The following PBX1 variants were observed in gnomAD, a reference collection of about 807,000 sequenced individuals.
PBX1 encodes the protein PBX homeobox 1, also known as pre-B-cell leukemia transcription factor 1.
A neutral mutation model predicts 53.4 loss-of-function variants in PBX1; 6 were observed. The observed-to-expected ratio is 0.11, with a 90% confidence interval of 0.06 to 0.22. The LOEUF (loss-of-function observed/expected upper bound fraction) is 0.22, where lower values mean the gene tolerates loss of function less well. PBX1 is among the 10% of genes least tolerant of loss of function. The pLI is 1.00. For synonymous variants in PBX1, 204 were observed against 212.3 expected (o/e 0.96, Z 0.34); for missense variants, 251 against 551.4 (o/e 0.46, Z 5.46).
At chr1:164,778,900 A>G (rs1667798658) in intron 2 of PBX1, among the ~76,000 whole-genome samples, 1 of 152,122 alleles carries the variant, frequency 6.6e-6, no homozygotes, top group Admixed American at 6.5e-5. Context: ...GGTAGGGAGA[A>G]CACCCTGAGT....
intron 2 of PBX1, among the ~76,000 whole-genome samples, chr1:164,883,926 A>T (rs1243988149): frequency 6.6e-6 from 1 of 152,204 alleles, no homozygotes; most frequent in Admixed American, 6.5e-5. Context: ...CTGAACTGTC[A>T]TTGACCTATG....
intron 8 of PBX1, among the ~76,000 whole-genome samples, chr1:164,827,342 G>A (rs1440964074): frequency 1.3e-5 from 2 of 152,100 alleles, no homozygotes; most frequent in African/African-American, 4.8e-5. Flanking sequence ...AATTTCAAAG[G>A]GATGAAAACA....
chr1:164,683,627 A>G (rs1452426653), intron 2 of PBX1: 1 of 152,172 alleles, frequency 6.6e-6, no homozygotes, highest in African/African-American at 2.4e-5. Flanking sequence ...CAAAACACAT[A>G]CACACTCTCA....
intron 2 of PBX1, among the ~76,000 whole-genome samples, chr1:164,594,461 T>C (rs941835318): frequency 3.2e-4 from 49 of 152,056 alleles, no homozygotes; most frequent in African/African-American, 1.2e-3. Context: ...TTTTGTATTT[T>C]TAGTGGAGAC....
At chr1:164,595,306 G>A (rs1655679407) in intron 2 of PBX1, among the ~76,000 whole-genome samples, 1 of 152,174 alleles carries the variant, frequency 6.6e-6, no homozygotes, top group Admixed American at 6.6e-5. Flanking sequence ...TGGAAGCCGT[G>A]ATCAGAGCCC....
At chr1:164,817,856 G>A (rs1004817141) in intron 6 of PBX1, 3 of 152,116 alleles carry the variant, frequency 2.0e-5, no homozygotes, top group Non-Finnish European at 4.4e-5. Context: ...TAGTCCTTAT[G>A]TTTAGGCTAG....
rs959421878 is a variant in PBX1, at chr1:164,799,581, C to T, written c.511-118C>T. ...GAAAGGGACGTCTACCACAAACTAT[C>T]CTAGTTTTCTTTATTTGCACAAGTC... On this transcript the variant is annotated intron_variant, in intron 3 of 8. Transcript: ENST00000420696. 4 of 820,402 alleles carry T rather than the reference C, an allele frequency of 4.9e-6. No individual in the cohort carries two copies. In the South Asian group the frequency reaches 8.3e-5, roughly 17 times the overall value. The allele number at this position is 820,402 out of a possible 1,614,324, so 50.8% of individuals were successfully genotyped here. A position where few individuals can be genotyped will look rare whatever the true frequency, so the allele number is the denominator to read the frequency against.
chr1:164,813,256 C>T (rs1669709526), intron 6 of PBX1: 1 of 152,178 alleles, frequency 6.6e-6, no homozygotes, highest in Admixed American at 6.5e-5. Context: ...CTGGGCTATA[C>T]CCAGCACTTC....
intron 2 of PBX1, among the ~76,000 whole-genome samples, chr1:164,609,866 G>C (rs1656792849): frequency 6.6e-6 from 1 of 152,102 alleles, no homozygotes; most frequent in South Asian, 2.1e-4. Flanking sequence ...TGTTGGGGGG[G>C]ATATGGTAAA....
At chr1:164,865,309 G>T (rs1403534760) in intron 2 of PBX1, among the ~76,000 whole-genome samples, 2 of 152,184 alleles carry the variant, frequency 1.3e-5, no homozygotes, top group East Asian at 1.9e-4. Context: ...ACATCTCAAG[G>T]TTTGCTTCTA....
rs191914416 is a variant in PBX1, at chr1:164,844,670, G to A, written c.1201-1914G>A. Among the ~76,000 whole-genome samples, 170 of 152,122 alleles carry A rather than the reference G, an allele frequency of 1.1e-3. 1 individual carries two copies. Among genetic ancestry groups the A allele is most frequent in the African/African-American group, 3.8e-3 (158 of 41,496 alleles). On this transcript the variant is annotated intron_variant, in intron 8 of 8. Coordinates refer to ENST00000420696, the MANE Select transcript of PBX1 (RefSeq NM_002585.4). ...AGGATCTTCTTTGGGAAAAATAAAC[G>A]TGGCCGCCATTCTTAGTCAGCCTAA...
intron 2 of PBX1, among the ~76,000 whole-genome samples, chr1:164,619,586 C>T (rs952219347): frequency 2.0e-5 from 3 of 152,082 alleles, no homozygotes; most frequent in African/African-American, 7.2e-5. Flanking sequence ...TAAGTACTCG[C>T]CTTGACCACA....
At chr1:164,874,680 G>A (rs1458631381) in intron 2 of PBX1, among the ~76,000 whole-genome samples, 2 of 152,114 alleles carry the variant, frequency 1.3e-5, no homozygotes, top group African/African-American at 4.8e-5. Context: ...TTTTGGTAGA[G>A]ACGAGTTTTC....
Position 164,849,668 on chromosome 1 carries a change from A to C in PBX1, c.*2992A>C. The C allele has an allele frequency of 2.3e-6, 1 of 427,900 alleles. No homozygotes were observed. The highest frequency in any genetic ancestry group is 4.1e-6 in the Non-Finnish European group (1 of 241,496). 26.5% of individuals were successfully genotyped at this position (427,900 alleles called of 1,614,324 possible). A position where few individuals can be genotyped will look rare whatever the true frequency, so the allele number is the denominator to read the frequency against. On this transcript the variant is annotated 3_prime_UTR_variant, in exon 9 of 9. Transcript: ENST00000420696. ...CCTTATCTCCTCCTTTTCATCCCTA[A>C]TCCATCCTCCCTCTGGCATGGAATT...
At chr1:164,801,555 C>T (rs1669075400) in intron 4 of PBX1, among the ~76,000 whole-genome samples, 1 of 151,952 alleles carries the variant, frequency 6.6e-6, no homozygotes, top group Admixed American at 6.6e-5. Flanking sequence ...GATATCTTCT[C>T]TCAGTAATTC....
intron 2 of PBX1, among the ~76,000 whole-genome samples, chr1:164,708,920 T>G (rs1557957189): frequency 6.6e-6 from 1 of 152,184 alleles, no homozygotes; most frequent in Non-Finnish European, 1.5e-5. Flanking sequence ...TAAGCACTAC[T>G]TATTGAGTGC....
At chr1:164,773,741 G>A (rs1334406686) in intron 2 of PBX1, among the ~76,000 whole-genome samples, 1 of 152,198 alleles carries the variant, frequency 6.6e-6, no homozygotes, top group Non-Finnish European at 1.5e-5. Context: ...GATTCATGAT[G>A]TCACCTGGAG....
At chr1:164,586,541 G>A (rs1654962059) in intron 2 of PBX1, among the ~76,000 whole-genome samples, 1 of 152,210 alleles carries the variant, frequency 6.6e-6, no homozygotes, top group South Asian at 2.1e-4. Flanking sequence ...GGGGGCACTA[G>A]TTACACTCAT....
At chr1:164,710,367 T>G (rs1192368137) in intron 2 of PBX1, among the ~76,000 whole-genome samples, 1 of 152,188 alleles carries the variant, frequency 6.6e-6, no homozygotes, top group Non-Finnish European at 1.5e-5. Context: ...TTGAATATAT[T>G]GAGCGTGTAG....
Sources: gnomAD v4.1 joint callset for allele counts (sites outside exome capture counted in the v4.1 genomes callset) on GRCh38, gnomAD v4.1.1 for gene constraint, MANE v1.5 for transcripts, NCBI Gene and HGNC (gene_info 2026-07-23, HGNC 2026-07-21) for gene names.